The following CFAP299 variants were observed in gnomAD, a reference collection of about 807,000 sequenced individuals.
CFAP299 encodes the protein cilia- and flagella-associated protein 299.
In CFAP299, 21 loss-of-function variants were observed where a neutral mutation model predicts 27.0. The observed-to-expected ratio is 0.78, with a 90% CI of 0.55 to 1.12. The LOEUF is 1.12. Among genes scored for constraint, CFAP299 ranks in the 50% most tolerant of loss-of-function variants. The pLI, the probability that CFAP299 is intolerant of heterozygous loss-of-function variation, is 0.00. For missense variants in CFAP299, 310 were observed against 276.6 expected (o/e 1.12, Z -0.86); for synonymous variants, 104 against 98.1 (o/e 1.06, Z -0.36).
chr4:80,691,941 A>G (rs944593225), intron 3 of CFAP299, among the ~76,000 whole-genome samples: 3 of 152,182 alleles, frequency 2.0e-5, no homozygotes, highest in Non-Finnish European at 4.4e-5. Context: ...ACTTCCATTC[A>G]CAATTGCTTC....
chr4:80,861,024 CA>C, intron 3 of CFAP299, among the ~76,000 whole-genome samples: 1 of 152,366 alleles, frequency 6.6e-6, no homozygotes, highest in African/African-American at 2.4e-5. Flanking sequence ...GTGGAGCCTA[CA>C]GAGGCAGGCA....
chr4:80,790,539 G>T (rs1182249984), intron 3 of CFAP299: 1 of 151,914 alleles, frequency 6.6e-6, no homozygotes, highest in Non-Finnish European at 1.5e-5. Context: ...TGAGATTAGT[G>T]CCTTTATAAG....
chr4:80,342,601 T>A (rs1578333089), intron 1 of CFAP299, among the ~76,000 whole-genome samples: 1 of 152,284 alleles, frequency 6.6e-6, no homozygotes, highest in East Asian at 1.9e-4. Flanking sequence ...ATAAGATCCT[T>A]TTCAGACAAG....
chr4:80,792,745 G>A (rs1008252469), intron 3 of CFAP299, among the ~76,000 whole-genome samples: 11 of 152,092 alleles, frequency 7.2e-5, no homozygotes, highest in African/African-American at 2.7e-4. Flanking sequence ...AGCCCAGCTT[G>A]TGTAGGCAAA....
intron 4 of CFAP299, among the ~76,000 whole-genome samples, chr4:80,883,578 C>T (rs538734164): frequency 1.3e-5 from 2 of 152,020 alleles, no homozygotes; most frequent in African/African-American, 2.4e-5. Flanking sequence ...AAAATGAATA[C>T]ATTTTCATGA....
At chr4:80,762,607 G>A (rs1212148476) in intron 3 of CFAP299, among the ~76,000 whole-genome samples, 1 of 152,100 alleles carries the variant, frequency 6.6e-6, no homozygotes, top group Non-Finnish European at 1.5e-5. Flanking sequence ...CAGAGGAATT[G>A]AGATCCTTGT....
At chr4:80,361,438 A>G (rs191139573) in intron 1 of CFAP299, among the ~76,000 whole-genome samples, 1 of 152,232 alleles carries the variant, frequency 6.6e-6, no homozygotes, top group Non-Finnish European at 1.5e-5. Flanking sequence ...TTCTTACTCA[A>G]ATGATCTCAC....
At chr4:80,859,321 G>C (rs1005909291) in intron 3 of CFAP299, among the ~76,000 whole-genome samples, 3 of 152,054 alleles carry the variant, frequency 2.0e-5, no homozygotes, top group African/African-American at 7.2e-5. Flanking sequence ...TGTGAGATGG[G>C]TTTCCTGAAA....
Position 80,443,299 on chromosome 4 carries a change from G to A in CFAP299, c.242+80415G>A, listed in dbSNP as rs150262994. Among the ~76,000 whole-genome samples the A allele has an allele frequency of 6.2e-3, 949 of 152,234 alleles. 2 individuals carry two copies. Among genetic ancestry groups the A allele is most frequent in the Middle Eastern group, 0.024 (7 of 294 alleles). On this transcript the variant is annotated intron_variant, in intron 2 of 5. Coordinates refer to ENST00000358105, the MANE Select transcript of CFAP299 (RefSeq NM_152770.3). ...ATCTTCAACAAAATACTGGGAAACC[G>A]AATCCAGCAGCACATCAAAAAGCTT...
At chr4:80,671,970 C>T (rs146006840) in intron 3 of CFAP299, among the ~76,000 whole-genome samples, 14,709 of 152,232 alleles carry the variant, frequency 0.097, 1,069 homozygotes, top group East Asian at 0.23. Flanking sequence ...TTGACTTCCT[C>T]TTTTCCTAAT....
At chr4:80,371,849 TGTCTTCATCTGG>T (rs1448736063) in intron 2 of CFAP299, among the ~76,000 whole-genome samples, 2 of 152,202 alleles carry the variant, frequency 1.3e-5, no homozygotes, top group Non-Finnish European at 2.9e-5. Context: ...CTCATTTTCC[TGTCTTCATCTGG>T]GTCTTCCACA....
chr4:80,618,181 G>A (rs1738395994), intron 3 of CFAP299, among the ~76,000 whole-genome samples: 1 of 151,918 alleles, frequency 6.6e-6, no homozygotes, highest in South Asian at 2.1e-4. Flanking sequence ...AGTCTGGAAG[G>A]AATAAACTTT....
At chr4:80,358,946 G>C (rs936139208) in intron 1 of CFAP299, among the ~76,000 whole-genome samples, 4 of 152,116 alleles carry the variant, frequency 2.6e-5, no homozygotes, top group Admixed American at 1.3e-4. Context: ...TGTTTTTGTA[G>C]TGGCTGGTAA....
At chr4:80,767,558 G>A (rs1725951651) in intron 3 of CFAP299, among the ~76,000 whole-genome samples, 1 of 152,136 alleles carries the variant, frequency 6.6e-6, no homozygotes, top group Non-Finnish European at 1.5e-5. Context: ...GCAGTGAGCC[G>A]AGATCGCCCC....
chr4:80,566,443 A>G (rs1560627971), intron 2 of CFAP299, among the ~76,000 whole-genome samples: 2 of 134,528 alleles, frequency 1.5e-5, no homozygotes, highest in African/African-American at 2.5e-5. Context: ...TGAGAAATGC[A>G]GCATGGGCTC....
intron 3 of CFAP299, among the ~76,000 whole-genome samples, chr4:80,601,464 C>T (rs1259044264): frequency 2.0e-5 from 3 of 152,084 alleles, no homozygotes; most frequent in African/African-American, 7.2e-5. Flanking sequence ...TTATGCCCCA[C>T]CTACCTTTGC....
intron 2 of CFAP299, among the ~76,000 whole-genome samples, chr4:80,553,794 G>A (rs905652534): frequency 6.6e-6 from 1 of 152,086 alleles, no homozygotes; most frequent in Non-Finnish European, 1.5e-5. Context: ...CTGCATGTAT[G>A]TCTTCTTTTG....
chr4:80,574,103 T>C (rs529750761), intron 2 of CFAP299, among the ~76,000 whole-genome samples: 23 of 152,274 alleles, frequency 1.5e-4, no homozygotes, highest in African/African-American at 5.3e-4. Flanking sequence ...TGGTATATTG[T>C]CCCATTTTTT....
chr4:80,661,307 C>G (rs1032196004), intron 3 of CFAP299, among the ~76,000 whole-genome samples: 108 of 133,954 alleles, frequency 8.1e-4, no homozygotes, highest in African/African-American at 3.0e-3. Context: ...GCCTGGGTGA[C>G]AGAGCACAAC....
Sources: allele counts gnomAD v4.1 joint callset (sites outside exome capture counted in the v4.1 genomes callset), GRCh38; gene constraint gnomAD v4.1.1; transcripts MANE v1.5; gene names NCBI Gene and HGNC (gene_info 2026-07-23, HGNC 2026-07-21).